Variants in OSBPL3 observed in about 807,000 individuals in gnomAD.
OSBPL3 encodes oxysterol-binding protein-related protein 3.
Under a neutral mutation model 120.1 loss-of-function variants are expected in OSBPL3, and 65 were observed. The ratio of observed to expected loss-of-function variants is 0.54; its 90% CI spans 0.44 to 0.67. The LOEUF (loss-of-function observed/expected upper bound fraction) is 0.67, where lower values mean the gene tolerates loss of function less well. Ranked by LOEUF, OSBPL3 falls within the 30% of genes least tolerant of loss-of-function variation. The pLI is 0.00. For synonymous variants in OSBPL3, 416 were observed against 402.6 expected, an observed-to-expected ratio of 1.03 and a Z score of -0.40; for missense variants, 1,004 against 1,082.1, an observed-to-expected ratio of 0.93 and a Z score of 1.01.
Position 24,871,999 on chromosome 7 carries a change from C to T in OSBPL3, c.167G>A (p.Gly56Glu). The change falls in exon 3 of 23, where the codon GGA becomes GAA. Residue 56 changes from glycine to glutamate, a missense_variant. This residue lies in a region of OSBPL3 where 255 missense variants were observed against 248.7 expected (regional missense o/e 1.03). Transcript: ENST00000313367. The surrounding 1 kb of genome is among the most constrained non-coding windows in gnomAD (Gnocchi z 4.8). ...NYTQEPPVQK[G>E]FLLKKRKWPL... ...CCACTTCCTCTTTTTCAGCAAAAATCCTTTCTGAACTGGTGGCTCCTGGGT... is the reference window on the plus strand; with the variant it reads ...CCACTTCCTCTTTTTCAGCAAAAATTCTTTCTGAACTGGTGGCTCCTGGGT... The T allele has an allele frequency of 1.2e-6, 2 of 1,614,092 alleles. No homozygotes were observed. The highest frequency in any genetic ancestry group is 1.7e-6 in the Non-Finnish European group (2 of 1,179,984).
intron 1 of OSBPL3, among the ~76,000 whole-genome samples, chr7:24,920,815 GA>G (rs1006275824): frequency 1.1e-4 from 16 of 152,136 alleles, no homozygotes; most frequent in Non-Finnish European, 1.9e-4. Flanking sequence ...TGAACTCATG[GA>G]AATGAAAGAA....
In OSBPL3 at chr7:24,805,875, A is replaced by G. The variant is rs1212640600; in HGVS notation, c.2444+901T>C. ...AGAGGCAATTCATGACATGAGTTGC[A>G]GATACGGACTTCTCCGTTTGTCATT... On this transcript the variant is annotated intron_variant, in intron 21 of 22. Coordinates refer to ENST00000313367, the MANE Select transcript of OSBPL3 (RefSeq NM_015550.4). The surrounding 1 kb of genome is among the most constrained non-coding windows in gnomAD (Gnocchi z 4.0). Among the ~76,000 whole-genome samples the G allele has an allele frequency of 6.6e-6, 1 of 152,200 alleles. No individual in the cohort carries two copies. Among genetic ancestry groups the G allele is most frequent in the Non-Finnish European group, 1.5e-5 (1 of 68,034 alleles).
Position 24,969,841 on chromosome 7 carries a change from A to T in OSBPL3, c.-150+10045T>A, listed in dbSNP as rs567278452. Among the ~76,000 whole-genome samples, 14 of 152,276 alleles carry T rather than the reference A, an allele frequency of 9.2e-5. No individual in the cohort carries two copies. The South Asian group carries it at 2.9e-3, about 32-fold the overall frequency. On this transcript the variant is annotated intron_variant, in intron 1 of 22. Transcript: ENST00000313367. Reference sequence around the variant, plus strand: ...GCCTCTGCCCTTCTCTGTCACCACCAAAACACTTTCTGCTAAGATAGCTCT... The same window carrying T: ...GCCTCTGCCCTTCTCTGTCACCACCTAAACACTTTCTGCTAAGATAGCTCT...
intron 1 of OSBPL3, among the ~76,000 whole-genome samples, chr7:24,943,392 A>G (rs1288920790): frequency 1.3e-5 from 2 of 152,252 alleles, no homozygotes; most frequent in Non-Finnish European, 2.9e-5. Flanking sequence ...TAAAGGAAGG[A>G]CAAAAAACAT....
At chr7:24,958,854 C>T (rs1167814781) in intron 1 of OSBPL3, among the ~76,000 whole-genome samples, 1 of 152,076 alleles carries the variant, frequency 6.6e-6, no homozygotes, top group Non-Finnish European at 1.5e-5. Context: ...GATCTGCAGA[C>T]TTGTTCTTTG....
intron 1 of OSBPL3, among the ~76,000 whole-genome samples, chr7:24,893,740 C>T (rs184263799): frequency 4.6e-5 from 1 of 21,798 alleles, no homozygotes; most frequent in Non-Finnish European, 8.8e-5. Flanking sequence ...TGAAACCGGG[C>T]GGCGGGGCGG....
chr7:24,852,665 T>C lies in OSBPL3; in HGVS notation c.1028-31A>G, dbSNP rs769419374. On this transcript the variant is annotated intron_variant, in intron 10 of 22. Transcript: ENST00000313367. This position sits in a 1 kb window ranked among gnomAD's most constrained non-coding sequence, Gnocchi z 4.1. The stretch of plus-strand genomic sequence containing the variant: ...GAGATAGAATCATTATAAAAAGGAA[T>C]AAGGAGGCATAATTAAAAACAAAAT... 1.1e-5 allele frequency: 16 copies of C among 1,433,868 alleles called. No homozygotes were observed. Among genetic ancestry groups the C allele is most frequent in the African/African-American group, 4.3e-5 (3 of 69,078 alleles). The allele number at this position is 1,433,868 out of a possible 1,614,324, so 88.8% of individuals were successfully genotyped here.
In OSBPL3 at chr7:24,938,762, A is replaced by C; in HGVS notation, c.-150+41124T>G. ...TACCTAGCTGCAAGGAAAACTGAAT[A>C]ATGAGGTTTTGTTTTGATGTGTGTG... On this transcript the variant is annotated intron_variant, in intron 1 of 22. Coordinates refer to ENST00000313367, the MANE Select transcript of OSBPL3 (RefSeq NM_015550.4). This position sits in a 1 kb window ranked among gnomAD's most constrained non-coding sequence, Gnocchi z 5.8. 7.2e-6 allele frequency among the ~76,000 whole-genome samples: 1 copy of C among 138,982 alleles called. No individual in the cohort carries two copies. Among genetic ancestry groups the C allele is most frequent in the African/African-American group, 2.7e-5 (1 of 37,058 alleles). 91.2% of individuals were successfully genotyped at this position (138,982 alleles called of 152,430 possible). A position where few individuals can be genotyped will look rare whatever the true frequency, so the allele number is the denominator to read the frequency against.
intron 1 of OSBPL3, among the ~76,000 whole-genome samples, chr7:24,948,960 T>G (rs1814063145): frequency 6.6e-6 from 1 of 152,226 alleles, no homozygotes; most frequent in South Asian, 2.1e-4. Context: ...GCTTTTATGA[T>G]GTTAATGACT....
rs908983822 is a variant in OSBPL3 at position 24,913,825 on chromosome 7, G to C, written c.-149-21204C>G. Among the ~76,000 whole-genome samples, 5 of 152,148 alleles carry C rather than the reference G, an allele frequency of 3.3e-5. No individual in the cohort carries two copies. Among genetic ancestry groups the C allele is most frequent in the African/African-American group, 1.2e-4 (5 of 41,422 alleles). ...TCAGTGGGGATACAACTAGGACGAG[G>C]ACAAGGACCAAGGACCGTATCCCAT... is the stretch of plus-strand genomic sequence containing the variant. On this transcript the variant is annotated intron_variant, in intron 1 of 22. Coordinates refer to ENST00000313367, the MANE Select transcript of OSBPL3 (RefSeq NM_015550.4). The surrounding 1 kb of genome is among the most constrained non-coding windows in gnomAD (Gnocchi z 5.3).
At chr7:24,847,530 A>G (rs1798595652) in intron 12 of OSBPL3, among the ~76,000 whole-genome samples, 1 of 152,236 alleles carries the variant, frequency 6.6e-6, no homozygotes, top group East Asian at 1.9e-4. Flanking sequence ...TAAAATATGC[A>G]TTTTAAATAT....
rs1813027491 is a variant in OSBPL3, at chr7:24,940,950, G to T, written c.-150+38936C>A. Among the ~76,000 whole-genome samples the T allele has an allele frequency of 6.6e-6, 1 of 151,856 alleles. No individual in the cohort carries two copies. Among genetic ancestry groups the T allele is most frequent in the Admixed American group, 6.6e-5 (1 of 15,244 alleles). ...TTCTCCTGCCCCAGCCTCCCAAGTA[G>T]CTGGGACTACAGGCTCCTGCCACTG... is the stretch of plus-strand genomic sequence containing the variant. On this transcript the variant is annotated intron_variant, in intron 1 of 22. Coordinates refer to ENST00000313367, the MANE Select transcript of OSBPL3 (RefSeq NM_015550.4). This position sits in a 1 kb window ranked among gnomAD's most constrained non-coding sequence, Gnocchi z 4.4.
chr7:24,958,072 T>C (rs752694151), intron 1 of OSBPL3, among the ~76,000 whole-genome samples: 1 of 152,192 alleles, frequency 6.6e-6, no homozygotes, highest in African/African-American at 2.4e-5. Flanking sequence ...TAAGCATTTT[T>C]GTAAGGTACA....
rs1477496189 is a variant in OSBPL3 at position 24,833,696 on chromosome 7, T to A, written c.1746+790A>T. Among the ~76,000 whole-genome samples the A allele has an allele frequency of 6.6e-6, 1 of 152,260 alleles. No homozygotes were observed. The highest frequency in any genetic ancestry group is 2.1e-4 in the South Asian group (1 of 4,814). On this transcript the variant is annotated intron_variant, in intron 15 of 22. Coordinates refer to ENST00000313367, the MANE Select transcript of OSBPL3 (RefSeq NM_015550.4). This position sits in a 1 kb window ranked among gnomAD's most constrained non-coding sequence, Gnocchi z 4.4. Reference sequence around the variant, plus strand: ...CATAGAGACAATGACCTTACTGCTCTAAGGTCACTGAATATAAGGAAGCAA... The same window carrying A: ...CATAGAGACAATGACCTTACTGCTCAAAGGTCACTGAATATAAGGAAGCAA...
rs547097469 is a variant in OSBPL3, at chr7:24,862,915, A to C, written c.870+285T>G. Among the ~76,000 whole-genome samples, 3 of 152,300 alleles carry C rather than the reference A, an allele frequency of 2.0e-5. No individual in the cohort carries two copies. The highest frequency in any genetic ancestry group is 4.1e-4 in the South Asian group (2 of 4,826). ...AGAGCACAGGCAGGCTCAACAGTGA[A>C]GGTGGGGAAACCAAAAGCCCTAGAA... is the stretch of plus-strand genomic sequence containing the variant. On this transcript the variant is annotated intron_variant, in intron 9 of 22. Transcript: ENST00000313367. This position sits in a 1 kb window ranked among gnomAD's most constrained non-coding sequence, Gnocchi z 4.4.
At position 24,862,210 on chromosome 7, in the gene OSBPL3, T is replaced by C. The variant is rs1366588578; in HGVS notation, c.871-441A>G. Reference sequence around the variant, plus strand: ...CTAGGTAGGTCTTTCTACTGAGTGATAACTTATTTTAAAAAATGAGAACTC... The same window carrying C: ...CTAGGTAGGTCTTTCTACTGAGTGACAACTTATTTTAAAAAATGAGAACTC... On this transcript the variant is annotated intron_variant, in intron 9 of 22. Coordinates refer to ENST00000313367, the MANE Select transcript of OSBPL3 (RefSeq NM_015550.4). The surrounding 1 kb of genome is among the most constrained non-coding windows in gnomAD (Gnocchi z 4.4). Among the ~76,000 whole-genome samples, 1 of 152,196 alleles carries C rather than the reference T, an allele frequency of 6.6e-6. No homozygotes were observed. Among genetic ancestry groups the C allele is most frequent in the Non-Finnish European group, 1.5e-5 (1 of 68,030 alleles).
At chr7:24,840,875 G>A (rs914415156) in intron 13 of OSBPL3, 92 bp from the exon 14 acceptor site, 1 of 636,822 alleles carries the variant, frequency 1.6e-6, no homozygotes, top group Non-Finnish European at 2.7e-6. Context: ...CAAACATGTT[G>A]AGTCTCACAG....
At chr7:24,853,909 C>A (rs947962217) in intron 10 of OSBPL3, among the ~76,000 whole-genome samples, 5 of 152,172 alleles carry the variant, frequency 3.3e-5, no homozygotes, top group African/African-American at 1.2e-4. Flanking sequence ...TACCTTCTTG[C>A]TTGTTAGCCC....
rs904805412 is a variant in OSBPL3, at chr7:24,852,907, G to A, written c.1028-273C>T. On this transcript the variant is annotated intron_variant, in intron 10 of 22. Transcript: ENST00000313367. The surrounding 1 kb of genome is among the most constrained non-coding windows in gnomAD (Gnocchi z 4.1). The stretch of plus-strand genomic sequence containing the variant: ...TCTGGTGTGGGATGCTGATGGCGGG[G>A]GGACGGTGCCTACATGGGAGCAGGG... Among the ~76,000 whole-genome samples the A allele has an allele frequency of 6.6e-6, 1 of 152,046 alleles. No homozygotes were observed. Among genetic ancestry groups the A allele is most frequent in the Non-Finnish European group, 1.5e-5 (1 of 68,012 alleles).
Sources: allele counts gnomAD v4.1 joint callset (sites outside exome capture counted in the v4.1 genomes callset), GRCh38; gene constraint gnomAD v4.1.1; regional missense constraint gnomAD v4.1.1; non-coding constraint Gnocchi (gnomAD v3.1); transcripts MANE v1.5; gene names NCBI Gene and HGNC (gene_info 2026-07-23, HGNC 2026-07-21).